CDH4: variants seen among roughly 807,000 people sequenced by gnomAD.
CDH4 encodes cadherin 4.
A neutral mutation model predicts 86.0 loss-of-function variants in CDH4; 33 were observed. The ratio of observed to expected loss-of-function variants is 0.38; its 90% CI spans 0.29 to 0.51. The LOEUF (loss-of-function observed/expected upper bound fraction) is 0.51, where lower values mean the gene tolerates loss of function less well. Ranked by LOEUF, CDH4 falls within the 20% of genes least tolerant of loss-of-function variation. The pLI is 0.86. For missense variants in CDH4, 1,114 were observed against 1,307.4 expected (o/e 0.85, Z 2.28); for synonymous variants, 555 against 549.4 (o/e 1.01, Z -0.14).
rs558882065 is a variant in CDH4, at chr20:61,371,161, CA to C, written c.169+116225del. 1.5e-3 allele frequency among the ~76,000 whole-genome samples: 227 copies of C among 152,324 alleles called. 2 individuals carry two copies. Among genetic ancestry groups the C allele is most frequent in the Non-Finnish European group, 2.5e-3 (172 of 68,032 alleles). ...TTGCAGCCGGGAGCTCGGAGCCCTG[CA>C]GAAGGCTCTAGAGTGGCAGGGACTG... On this transcript the variant is annotated intron_variant, in intron 2 of 15. Coordinates refer to ENST00000614565, the MANE Select transcript of CDH4 (RefSeq NM_001794.5).
intron 6 of CDH4, among the ~76,000 whole-genome samples, chr20:61,860,099 G>T (rs1005275579): frequency 1.3e-5 from 2 of 152,252 alleles, no homozygotes; most frequent in African/African-American, 4.8e-5. Context: ...CGGCAGTGAC[G>T]CTGTCATTGA....
chr20:61,524,787 G>A (rs901692135), intron 2 of CDH4, among the ~76,000 whole-genome samples: 7 of 152,112 alleles, frequency 4.6e-5, no homozygotes, highest in Non-Finnish European at 8.8e-5. Flanking sequence ...CTGACCAACT[G>A]TTTCAAAATT....
At position 61,368,420 on chromosome 20, in the gene CDH4, G is replaced by A. The variant is rs569650091; in HGVS notation, c.169+113483G>A. Among the ~76,000 whole-genome samples, 3 of 152,298 alleles carry A rather than the reference G, an allele frequency of 2.0e-5. No individual in the cohort carries two copies. The South Asian group carries it at 6.2e-4, about 32-fold the overall frequency. Reference sequence around the variant, plus strand: ...GGTGAGGACACAGCAGAAAGGCACCGTCTGTGAACCAGGAAGAAGCCTGCA... The same window carrying A: ...GGTGAGGACACAGCAGAAAGGCACCATCTGTGAACCAGGAAGAAGCCTGCA... On this transcript the variant is annotated intron_variant, in intron 2 of 15. Coordinates refer to ENST00000614565, the MANE Select transcript of CDH4 (RefSeq NM_001794.5).
intron 2 of CDH4, among the ~76,000 whole-genome samples, chr20:61,338,457 G>A (rs550337262): frequency 5.3e-4 from 81 of 152,336 alleles, no homozygotes; most frequent in African/African-American, 1.6e-3. Flanking sequence ...TCACCGTGAA[G>A]ACTCGTTCTC....
intron 2 of CDH4, among the ~76,000 whole-genome samples, chr20:61,375,943 C>T (rs1377322241): frequency 9.3e-3 from 34 of 3,652 alleles, no homozygotes; most frequent in Non-Finnish European, 0.013. Flanking sequence ...GATGGTGGTG[C>T]TGGTGGTGGT....
chr20:61,265,208 C>T (rs931782708), intron 2 of CDH4, among the ~76,000 whole-genome samples: 1 of 149,458 alleles, frequency 6.7e-6, no homozygotes, highest in Non-Finnish European at 1.5e-5. Flanking sequence ...TTCAATCTTA[C>T]TCATATCTCA....
intron 6 of CDH4, among the ~76,000 whole-genome samples, chr20:61,871,365 G>A (rs757934895): frequency 6.6e-6 from 1 of 151,982 alleles, no homozygotes; most frequent in African/African-American, 2.4e-5. Flanking sequence ...TCTTCTCATT[G>A]CCACATTGAA....
Position 61,544,657 on chromosome 20 carries a change from G to A in CDH4, c.170-198906G>A, listed in dbSNP as rs1362025765. Among the ~76,000 whole-genome samples, 1 of 151,942 alleles carries A rather than the reference G, an allele frequency of 6.6e-6. No homozygotes were observed. Among genetic ancestry groups the A allele is most frequent in the Non-Finnish European group, 1.5e-5 (1 of 67,992 alleles). On this transcript the variant is annotated intron_variant, in intron 2 of 15. Coordinates refer to ENST00000614565, the MANE Select transcript of CDH4 (RefSeq NM_001794.5). The surrounding 1 kb of genome is among the most constrained non-coding windows in gnomAD (Gnocchi z 6.5). The stretch of plus-strand genomic sequence containing the variant: ...CCCCACGCTGCTCTACTCCGCACCG[G>A]CCCCCCTGCCTGTACTTGACCACAC...
At chr20:61,813,358 C>T (rs962212814) in intron 4 of CDH4, among the ~76,000 whole-genome samples, 1 of 152,156 alleles carries the variant, frequency 6.6e-6, no homozygotes, top group Non-Finnish European at 1.5e-5. Flanking sequence ...AGCACTGGGC[C>T]CCTCAACCTG....
chr20:61,673,678 G>A (rs966687084), intron 2 of CDH4, among the ~76,000 whole-genome samples: 3 of 152,192 alleles, frequency 2.0e-5, no homozygotes, highest in South Asian at 2.1e-4. Context: ...TCTGGCGGTT[G>A]AGTGCAGAGT....
intron 2 of CDH4, among the ~76,000 whole-genome samples, chr20:61,374,096 C>T (rs1013529694): frequency 5.3e-5 from 8 of 152,140 alleles, no homozygotes; most frequent in Admixed American, 5.2e-4. Context: ...TTTTAAACAT[C>T]TATCAAGCAC....
intron 2 of CDH4, among the ~76,000 whole-genome samples, chr20:61,401,960 A>G (rs2085051925): frequency 6.6e-6 from 1 of 152,254 alleles, no homozygotes; most frequent in South Asian, 2.1e-4. Flanking sequence ...ATGGACTTCT[A>G]TAACCATCTT....
chr20:61,358,945 G>T (rs1173492798), intron 2 of CDH4, among the ~76,000 whole-genome samples: 1 of 152,172 alleles, frequency 6.6e-6, no homozygotes, highest in Admixed American at 6.5e-5. Flanking sequence ...GGGTTCCAGA[G>T]CACCTCAGAT....
At chr20:61,777,268 T>G (rs185417664) in intron 4 of CDH4, among the ~76,000 whole-genome samples, 30 of 152,218 alleles carry the variant, frequency 2.0e-4, no homozygotes, top group African/African-American at 6.3e-4. Context: ...AGTGAGTGAG[T>G]GAGTGATAGA....
chr20:61,760,211 C>T (rs975515735), intron 3 of CDH4, among the ~76,000 whole-genome samples: 3 of 152,136 alleles, frequency 2.0e-5, no homozygotes, highest in African/African-American at 4.8e-5. Context: ...TCCAGAGAAA[C>T]GTGGTGGTTA....
At chr20:61,383,911 C>T (rs2084936595) in intron 2 of CDH4, among the ~76,000 whole-genome samples, 1 of 150,978 alleles carries the variant, frequency 6.6e-6, no homozygotes, top group African/African-American at 2.4e-5. Context: ...TAAGTATTAA[C>T]TCACACAATC....
chr20:61,451,319 G>A (rs2185917), intron 2 of CDH4, among the ~76,000 whole-genome samples: 82,011 of 151,862 alleles, frequency 0.54, 22,278 homozygotes, highest in Admixed American at 0.61. Flanking sequence ...CGTCTCAGCT[G>A]CGTCAGAGTG....
chr20:61,256,486 T>C (rs914824387), intron 2 of CDH4, among the ~76,000 whole-genome samples: 1 of 152,176 alleles, frequency 6.6e-6, no homozygotes, highest in Non-Finnish European at 1.5e-5. Context: ...CATGGTGTGT[T>C]GTGTGGGGAT....
At chr20:61,831,228 A>C (rs530073515) in intron 4 of CDH4, among the ~76,000 whole-genome samples, 1 of 152,352 alleles carries the variant, frequency 6.6e-6, no homozygotes, top group East Asian at 1.9e-4. Context: ...CATGCCCTGC[A>C]CTTGAGGATA....
Sources: gnomAD v4.1 joint callset for allele counts (sites outside exome capture counted in the v4.1 genomes callset) on GRCh38, gnomAD v4.1.1 for gene constraint, Gnocchi (gnomAD v3.1) non-coding constraint, MANE v1.5 for transcripts, NCBI Gene and HGNC (gene_info 2026-07-23, HGNC 2026-07-21) for gene names.